Variants in NTN4 observed in about 807,000 individuals in gnomAD.
NTN4 encodes the protein netrin 4.
A neutral mutation model predicts 73.6 loss-of-function variants in NTN4; 32 were observed. The ratio of observed to expected loss-of-function variants is 0.44; its 90% confidence interval spans 0.33 to 0.58. The LOEUF (loss-of-function observed/expected upper bound fraction) is 0.58. Ranked by LOEUF, NTN4 falls within the 20% of genes least tolerant of loss-of-function variation. The pLI, the probability that NTN4 is intolerant of heterozygous loss-of-function variation, is 0.04. For missense variants in NTN4, 654 were observed against 798.3 expected (o/e 0.82, Z 2.18); for synonymous variants, 258 against 287.5 (o/e 0.90, Z 1.04).
At chr12:95,719,273 A>G (rs2078629192) in intron 3 of NTN4, among the ~76,000 whole-genome samples, 1 of 152,172 alleles carries the variant, frequency 6.6e-6, no homozygotes, top group African/African-American at 2.4e-5. Flanking sequence ...TTTAATTCCA[A>G]TTGAAAATGA....
intron 7 of NTN4, among the ~76,000 whole-genome samples, chr12:95,675,085 T>A (rs181137370): frequency 2.5e-3 from 375 of 152,314 alleles, no homozygotes; most frequent in Non-Finnish European, 4.4e-3. Context: ...GTTAAAATCA[T>A]AAAATTCCAG....
intron 4 of NTN4, among the ~76,000 whole-genome samples, chr12:95,712,413 T>C (rs1296717839): frequency 6.6e-6 from 1 of 152,188 alleles, no homozygotes; most frequent in African/African-American, 2.4e-5. Context: ...CCCACTATCA[T>C]TTACTAACTT....
At chr12:95,755,907 A>G (rs2078944403) in intron 2 of NTN4, among the ~76,000 whole-genome samples, 1 of 152,248 alleles carries the variant, frequency 6.6e-6, no homozygotes, top group Non-Finnish European at 1.5e-5. Flanking sequence ...ATAAATTTTA[A>G]AAATTCTTCA....
chr12:95,751,527 T>C (rs1592703710), intron 2 of NTN4, among the ~76,000 whole-genome samples: 1 of 152,100 alleles, frequency 6.6e-6, no homozygotes, highest in Admixed American at 6.5e-5. Flanking sequence ...CCCATCTGTG[T>C]GGGACCCCAC....
At chr12:95,664,925 T>C (rs1376987437) in intron 9 of NTN4, among the ~76,000 whole-genome samples, 2 of 152,158 alleles carry the variant, frequency 1.3e-5, no homozygotes, top group Non-Finnish European at 2.9e-5. Context: ...ACATAAATAA[T>C]GCACCTGTTT....
intron 3 of NTN4, among the ~76,000 whole-genome samples, chr12:95,729,628 A>T (rs865971565): frequency 0.016 from 1,640 of 102,072 alleles, 14 homozygotes; most frequent in Middle Eastern, 0.024. Flanking sequence ...AGAGAGAGAG[A>T]GAGAGTGTGT....
intron 2 of NTN4, among the ~76,000 whole-genome samples, chr12:95,785,575 C>T (rs539016595): frequency 2.0e-5 from 3 of 152,174 alleles, no homozygotes; most frequent in African/African-American, 4.8e-5. Flanking sequence ...ACAGAAGAAG[C>T]GGCTGAATGA....
intron 2 of NTN4, among the ~76,000 whole-genome samples, chr12:95,771,200 A>T (rs1207245049): frequency 1.3e-5 from 2 of 152,096 alleles, no homozygotes; most frequent in Admixed American, 1.3e-4. Context: ...CGTGTTAGCC[A>T]GGATGGTCTC....
At chr12:95,735,741 G>A (rs774008483) in intron 3 of NTN4, among the ~76,000 whole-genome samples, 27 of 151,968 alleles carry the variant, frequency 1.8e-4, no homozygotes, top group Non-Finnish European at 3.4e-4. Flanking sequence ...TGTTAGCTTT[G>A]AGTAATTATC....
chr12:95,705,951 G>A (rs145094981), intron 5 of NTN4, among the ~76,000 whole-genome samples: 117 of 152,264 alleles, frequency 7.7e-4, no homozygotes, highest in African/African-American at 2.5e-3. Flanking sequence ...GCTCAAGTTC[G>A]TTGATGAATG....
At chr12:95,660,830 CT>C (rs2078131800) in intron 9 of NTN4, among the ~76,000 whole-genome samples, 1 of 152,224 alleles carries the variant, frequency 6.6e-6, no homozygotes, top group African/African-American at 2.4e-5. Flanking sequence ...TCATTTTTCA[CT>C]GAAATGACTG....
At chr12:95,787,767 T>C (rs375231197) in intron 1 of NTN4, among the ~76,000 whole-genome samples, 1 of 152,094 alleles carries the variant, frequency 6.6e-6, no homozygotes, top group South Asian at 2.1e-4. Flanking sequence ...GGAGGGAAAA[T>C]AGAACCACCA....
intron 7 of NTN4, among the ~76,000 whole-genome samples, chr12:95,679,773 A>G (rs760357395): frequency 4.6e-5 from 7 of 151,980 alleles, no homozygotes; most frequent in Non-Finnish European, 2.9e-5. Context: ...AAATGCTCCA[A>G]TGGCTTCCAT....
intron 3 of NTN4, among the ~76,000 whole-genome samples, chr12:95,725,995 A>T (rs1472731257): frequency 1.3e-5 from 2 of 151,932 alleles, no homozygotes; most frequent in Non-Finnish European, 2.9e-5. Context: ...CAGTTTAATG[A>T]CTGGTCTTGA....
chr12:95,735,772 CAAAGAG>C (rs964487771), intron 3 of NTN4, among the ~76,000 whole-genome samples: 8 of 151,602 alleles, frequency 5.3e-5, no homozygotes, highest in African/African-American at 1.9e-4. Flanking sequence ...TTTGGCAGAA[CAAAGAG>C]AAACTTCTAG....
chr12:95,760,595 T>C (rs1375098848), intron 2 of NTN4, among the ~76,000 whole-genome samples: 1 of 152,154 alleles, frequency 6.6e-6, no homozygotes, highest in Non-Finnish European at 1.5e-5. Context: ...TTGGGGCAAT[T>C]GTAGGGATTG....
chr12:95,737,059 T>A (rs2078783141), intron 3 of NTN4, among the ~76,000 whole-genome samples: 1 of 152,236 alleles, frequency 6.6e-6, no homozygotes, highest in Non-Finnish European at 1.5e-5. Flanking sequence ...CCTTATTTTC[T>A]CCTTGCCCAA....
chr12:95,774,269 G>A (rs2079076976), intron 2 of NTN4, among the ~76,000 whole-genome samples: 1 of 151,668 alleles, frequency 6.6e-6, no homozygotes, highest in Admixed American at 6.6e-5. Flanking sequence ...TCTGGAATAG[G>A]TTAGCTCAAT....
intron 2 of NTN4, among the ~76,000 whole-genome samples, chr12:95,783,425 G>A (rs543823917): frequency 6.6e-6 from 1 of 152,334 alleles, no homozygotes; most frequent in African/African-American, 2.4e-5. Context: ...TTTATTCTCA[G>A]TATACCACTG....
Sources: gnomAD v4.1 joint callset for allele counts (sites outside exome capture counted in the v4.1 genomes callset) on GRCh38, gnomAD v4.1.1 for gene constraint, MANE v1.5 for transcripts, NCBI Gene and HGNC (gene_info 2026-07-23, HGNC 2026-07-21) for gene names.